EHF: variants seen among roughly 807,000 people sequenced by gnomAD.
EHF encodes ETS homologous factor.
EHF carries 14 observed loss-of-function variants against 45.1 expected under a neutral mutation model. That is an observed-to-expected ratio of 0.31 (90% CI 0.21 to 0.49). The LOEUF (loss-of-function observed/expected upper bound fraction) is 0.49. Among genes scored for constraint, EHF ranks in the 20% least tolerant of loss-of-function variants. The pLI, the probability that EHF is intolerant of heterozygous loss-of-function variation, is 0.99. For missense variants in EHF, 282 were observed against 371.4 expected (o/e 0.76, Z 1.98); for synonymous variants, 136 against 131.8 (o/e 1.03, Z -0.22).
chr11:34,648,346 A>AATATAT (rs34971776), intron 3 of EHF, among the ~76,000 whole-genome samples: 2,323 of 147,706 alleles, frequency 0.016, 64 homozygotes, highest in African/African-American at 0.053. Context: ...TGCATTTACA[A>AATATAT]ATATATATAT....
At chr11:34,654,742 G>T (rs1170147761) in intron 6 of EHF, among the ~76,000 whole-genome samples, 1 of 152,078 alleles carries the variant, frequency 6.6e-6, no homozygotes, top group Non-Finnish European at 1.5e-5. Flanking sequence ...TTTCTGAGGA[G>T]AGGGTCCAAG....
Position 34,651,788 on chromosome 11 carries a change from C to T in EHF, c.527C>T (p.Thr176Ile). 1 of 1,613,834 alleles carries T rather than the reference C, an allele frequency of 6.2e-7. No individual in the cohort carries two copies. ...FCRAQISMTT[T>I]SHLPVAESPD... The stretch of plus-strand genomic sequence containing the variant: ...CGGGCTCAGATCTCCATGACAACCA[C>T]CAGTCACCTTCCTGTTGGTAAGCTG... Residue 176 changes from threonine (T) to isoleucine (I), a missense_variant, in exon 6 of 9, where the codon ACC becomes ATC. Thr to Ile is a moderately conservative substitution (Grantham distance 89, BLOSUM62 -1). Coordinates refer to ENST00000257831, the MANE Select transcript of EHF (RefSeq NM_012153.6).
At chr11:34,652,496 C>T (rs1177094207) in intron 6 of EHF, among the ~76,000 whole-genome samples, 1 of 152,140 alleles carries the variant, frequency 6.6e-6, no homozygotes, top group African/African-American at 2.4e-5. Context: ...TTCAGATTAC[C>T]ACCCCCACCT....
chr11:34,638,140 C>T (rs1187626688), intron 1 of EHF, among the ~76,000 whole-genome samples: 1 of 152,014 alleles, frequency 6.6e-6, no homozygotes, highest in African/African-American at 2.4e-5. Flanking sequence ...GACCTCAAGT[C>T]ATCCACCCGC....
At chr11:34,654,616 G>T (rs999927800) in intron 6 of EHF, among the ~76,000 whole-genome samples, 8 of 152,272 alleles carry the variant, frequency 5.3e-5, no homozygotes, top group African/African-American at 1.9e-4. Context: ...ACAACTCAAA[G>T]AATATTTCCT....
intron 1 of EHF, among the ~76,000 whole-genome samples, chr11:34,636,754 C>T (rs913346928): frequency 1.4e-4 from 22 of 152,264 alleles, no homozygotes; most frequent in South Asian, 4.2e-4. Context: ...GCACCACGGC[C>T]GGGCCCGGTG....
At chr11:34,624,499 T>C (rs1388014306) in intron 1 of EHF, among the ~76,000 whole-genome samples, 1 of 152,236 alleles carries the variant, frequency 6.6e-6, no homozygotes, top group Non-Finnish European at 1.5e-5. Context: ...ATAGATTTGT[T>C]CTAAAGAGCA....
At chr11:34,651,504 A>G (rs928993945) in intron 4 of EHF, 38 bp from the exon 5 acceptor site, 2 of 1,570,788 alleles carry the variant, frequency 1.3e-6, no homozygotes, top group Non-Finnish European at 1.8e-6. Flanking sequence ...CCTGGGGAAA[A>G]GAGATCGCTG....
intron 7 of EHF, among the ~76,000 whole-genome samples, chr11:34,658,126 T>C (rs756732961): frequency 1.4e-4 from 22 of 152,128 alleles, no homozygotes; most frequent in Non-Finnish European, 2.5e-4. Context: ...TTGGTTGAGA[T>C]ACTGGATAAA....
chr11:34,642,196 TGCTGGG>T, intron 1 of EHF: 1 of 176,178 alleles, frequency 5.7e-6, no homozygotes, highest in South Asian at 1.3e-4. Context: ...CCCACACAGG[TGCTGGG>T]GCTGTGCTGC....
chr11:34,659,686 G>A lies in EHF; in HGVS notation c.*755G>A, dbSNP rs1855965787. 1 of 152,152 alleles carries A rather than the reference G, an allele frequency of 6.6e-6. No individual in the cohort carries two copies. The highest frequency in any genetic ancestry group is 6.6e-5 in the Admixed American group (1 of 15,264). 9.4% of individuals were successfully genotyped at this position (152,152 alleles called of 1,614,324 possible). On this transcript the variant is annotated 3_prime_UTR_variant, in exon 9 of 9. Coordinates refer to ENST00000257831, the MANE Select transcript of EHF (RefSeq NM_012153.6). ...TGCTCACTTCTAGCTATTTAAGAGA[G>A]AACCCAGCTTGGTTCTTTTTTGCTC...
At chr11:34,637,180 G>A (rs372123488) in intron 1 of EHF, among the ~76,000 whole-genome samples, 14 of 152,160 alleles carry the variant, frequency 9.2e-5, no homozygotes, top group East Asian at 5.8e-4. Flanking sequence ...ATTTGCCACC[G>A]ACCAGCAGCC....
intron 1 of EHF, among the ~76,000 whole-genome samples, chr11:34,623,444 G>A (rs538970361): frequency 6.6e-6 from 1 of 152,100 alleles, no homozygotes; most frequent in South Asian, 2.1e-4. Context: ...AAGTATCTTT[G>A]GCCTTTGTGG....
At chr11:34,622,902 G>A (rs1446168069) in intron 1 of EHF, among the ~76,000 whole-genome samples, 1 of 152,190 alleles carries the variant, frequency 6.6e-6, no homozygotes, top group Non-Finnish European at 1.5e-5. Context: ...GTCACTTTGA[G>A]GGAACAGCTG....
chr11:34,625,339 C>T (rs1852279770), intron 1 of EHF, among the ~76,000 whole-genome samples: 1 of 152,194 alleles, frequency 6.6e-6, no homozygotes, highest in Non-Finnish European at 1.5e-5. Context: ...TGGCAGGGAA[C>T]AGCCTATGCA....
intron 2 of EHF, among the ~76,000 whole-genome samples, chr11:34,643,276 G>A (rs1354160464): frequency 2.6e-5 from 4 of 152,126 alleles, no homozygotes; most frequent in Admixed American, 2.6e-4. Flanking sequence ...TGGTGGTGGG[G>A]CGTATAGAGG....
intron 1 of EHF, among the ~76,000 whole-genome samples, chr11:34,623,153 T>C (rs1852098696): frequency 6.6e-6 from 1 of 152,184 alleles, no homozygotes; most frequent in South Asian, 2.1e-4. Context: ...TGGCATGATC[T>C]TGGCTGACTG....
At chr11:34,654,795 T>G in intron 6 of EHF, among the ~76,000 whole-genome samples, 1 of 152,206 alleles carries the variant, frequency 6.6e-6, no homozygotes, top group African/African-American at 2.4e-5. Context: ...CTGAAGTAAC[T>G]GATTCTAGAT....
rs1856192635 is a variant in EHF at position 34,663,227 on chromosome 11, T to C, written c.*4296T>C. 6.6e-6 allele frequency among the ~76,000 whole-genome samples: 1 copy of C among 152,162 alleles called. No individual in the cohort carries two copies. The highest frequency in any genetic ancestry group is 2.4e-5 in the African/African-American group (1 of 41,442). On this transcript the variant is annotated 3_prime_UTR_variant, in exon 9 of 9. Coordinates refer to ENST00000257831, the MANE Select transcript of EHF (RefSeq NM_012153.6). ...TCAAAGAATTATATTTTTCAAAATA[T>C]GTTTATTTGTTTGATGGGTCCCAGG...
Sources: allele counts gnomAD v4.1 joint callset (sites outside exome capture counted in the v4.1 genomes callset), GRCh38; gene constraint gnomAD v4.1.1; transcripts MANE v1.5; gene names NCBI Gene and HGNC (gene_info 2026-07-23, HGNC 2026-07-21).